Variants in APOD observed in about 807,000 individuals in gnomAD.
APOD encodes apolipoprotein D, also known as apo-D.
In APOD, 22 loss-of-function variants were observed where a neutral mutation model predicts 20.4. The observed-to-expected ratio is 1.08, with a 90% CI of 0.77 to 1.54. The LOEUF (loss-of-function observed/expected upper bound fraction) is 1.54. Ranked by LOEUF, APOD falls within the 40% of genes most tolerant of loss-of-function variation. The probability of loss-of-function intolerance (pLI) is 0.00; values close to 1 mark genes in which losing one functional copy is unlikely to be tolerated. For synonymous variants in APOD, 97 were observed against 92.4 expected (o/e 1.05, Z -0.29); for missense variants, 223 against 229.6 (o/e 0.97, Z 0.19).
intron 2 of APOD, among the ~76,000 whole-genome samples, 191 bp downstream of exon 2, chr3:195,579,148 C>T (rs1720293192): frequency 6.6e-6 from 1 of 152,176 alleles, no homozygotes; most frequent in Admixed American, 6.5e-5. Context: ...CTCGTGCGTC[C>T]CGGGATCATC....
chr3:195,582,558 T>G (rs1260393433), intron 1 of APOD: 1 of 152,132 alleles, frequency 6.6e-6, no homozygotes, highest in Non-Finnish European at 1.5e-5. Context: ...CTGGCCAACA[T>G]GGCGAAACCC....
At chr3:195,580,187 T>C (rs1220801827) in intron 1 of APOD, among the ~76,000 whole-genome samples, 1 of 152,162 alleles carries the variant, frequency 6.6e-6, no homozygotes, top group Non-Finnish European at 1.5e-5. Flanking sequence ...TGGGAATAAT[T>C]ATCATTCCTA....
intron 3 of APOD, among the ~76,000 whole-genome samples, chr3:195,572,719 G>A (rs1314591338): frequency 6.6e-6 from 1 of 152,190 alleles, no homozygotes; most frequent in Non-Finnish European, 1.5e-5. Flanking sequence ...GTGTTAGAAA[G>A]TCAGTAGGTT....
intron 1 of APOD, among the ~76,000 whole-genome samples, chr3:195,583,386 G>A (rs1424929861): frequency 6.6e-6 from 1 of 152,164 alleles, no homozygotes; most frequent in Non-Finnish European, 1.5e-5. Flanking sequence ...AAGTCATTAG[G>A]TCTCAAAGAC....
At chr3:195,574,324 G>A (rs1413499680) in intron 2 of APOD, among the ~76,000 whole-genome samples, 3 of 152,232 alleles carry the variant, frequency 2.0e-5, no homozygotes, top group Admixed American at 6.5e-5. Flanking sequence ...AGTCAGATGT[G>A]TTCGCTGTGG....
chr3:195,568,777 A>C lies in APOD; in HGVS notation c.*123T>G. ...AGCTAGCAAGGTAACAGGGTAGGGCATGGTTACATGTTCAGGTCAACTTCC... is the reference window on the plus strand; with the variant it reads ...AGCTAGCAAGGTAACAGGGTAGGGCCTGGTTACATGTTCAGGTCAACTTCC... On this transcript the variant is annotated 3_prime_UTR_variant, in exon 5 of 5. Coordinates refer to ENST00000343267, the MANE Select transcript of APOD (RefSeq NM_001647.4). 3 of 696,964 alleles carry C rather than the reference A, an allele frequency of 4.3e-6. No homozygotes were observed. Among genetic ancestry groups the C allele is most frequent in the Non-Finnish European group, 7.5e-6 (3 of 399,032 alleles). The allele number at this position is 696,964 out of a possible 1,614,324, so 43.2% of individuals were successfully genotyped here.
chr3:195,577,303 C>G (rs1384515850), intron 2 of APOD: 1 of 222,714 alleles, frequency 4.5e-6, no homozygotes, highest in Non-Finnish European at 9.2e-6. Flanking sequence ...ACTCTGAAAA[C>G]TACAAAGTAT....
chr3:195,569,785 C>CG (rs1263071583), intron 4 of APOD, among the ~76,000 whole-genome samples: 136 of 86,916 alleles, frequency 1.6e-3, no homozygotes, highest in African/African-American at 5.4e-3. Context: ...TCTTCTTCTT[C>CG]GTTTTTTTTT....
chr3:195,574,073 G>C (rs1720211503), intron 2 of APOD, 102 bp from the exon 3 acceptor site: 1 of 1,481,868 alleles, frequency 6.7e-7, no homozygotes, highest in Admixed American at 2.2e-5. Context: ...GGGGAAGCCA[G>C]ACAAAATGGG....
At chr3:195,573,786 G>T in intron 3 of APOD, 64 bp downstream of exon 3, 1 of 1,576,822 alleles carries the variant, frequency 6.3e-7, no homozygotes, top group Non-Finnish European at 8.6e-7. Context: ...CCAGGCTGCC[G>T]GACACCCAGT....
intron 3 of APOD, among the ~76,000 whole-genome samples, chr3:195,571,612 G>A (rs571829378): frequency 6.6e-6 from 1 of 152,170 alleles, no homozygotes; most frequent in Non-Finnish European, 1.5e-5. Context: ...ATAAGAAGCC[G>A]CAATTGACAA....
At chr3:195,573,479 T>A (rs530550358) in intron 3 of APOD, among the ~76,000 whole-genome samples, 1 of 152,238 alleles carries the variant, frequency 6.6e-6, no homozygotes, top group Non-Finnish European at 1.5e-5. Flanking sequence ...TGGAAGGCGA[T>A]GAGCTCCCAG....
At chr3:195,572,946 G>T (rs1250342295) in intron 3 of APOD, among the ~76,000 whole-genome samples, 1 of 152,190 alleles carries the variant, frequency 6.6e-6, no homozygotes, top group African/African-American at 2.4e-5. Context: ...ACAGGCCAGG[G>T]ATTCTGGGAA....
intron 3 of APOD, 59 bp downstream of exon 3, chr3:195,573,791 C>T (rs540789272): frequency 1.9e-6 from 3 of 1,589,352 alleles, no homozygotes; most frequent in African/African-American, 1.3e-5. Context: ...CTGCCGGACA[C>T]CCAGTCACTC....
chr3:195,578,972 A>G (rs760377755), intron 2 of APOD, among the ~76,000 whole-genome samples: 78 of 152,088 alleles, frequency 5.1e-4, no homozygotes, highest in Non-Finnish European at 9.1e-4. Context: ...AGAGCCACGG[A>G]TGCTCCCATG....
chr3:195,569,962 G>A (rs184380114), intron 4 of APOD, among the ~76,000 whole-genome samples: 114 of 152,000 alleles, frequency 7.5e-4, no homozygotes, highest in African/African-American at 2.6e-3. Context: ...ACCATGCCCA[G>A]CTAATTTTTT....
At chr3:195,579,279 C>G (rs1463789570) in intron 2 of APOD, 60 bp downstream of exon 2, 1 of 1,603,628 alleles carries the variant, frequency 6.2e-7, no homozygotes, top group Admixed American at 1.7e-5. Flanking sequence ...TTACATTGAA[C>G]CTTGTAGAAC....
rs780229357 is a variant in APOD, at chr3:195,568,872, G to A, written c.*28C>T. ...GAAAGCGAAGCAGAAGTAACATGGA[G>A]TGGGTGCAGCCTCCCTGTAGAACCT... On this transcript the variant is annotated 3_prime_UTR_variant, in exon 5 of 5. Transcript: ENST00000343267. The A allele has an allele frequency of 2.6e-6, 4 of 1,522,664 alleles. No homozygotes were observed. The highest frequency in any genetic ancestry group is 4.5e-5 in the East Asian group (2 of 44,240). 94.3% of individuals were successfully genotyped at this position (1,522,664 alleles called of 1,614,324 possible). A position where few individuals can be genotyped will look rare whatever the true frequency, so the allele number is the denominator to read the frequency against.
chr3:195,571,414 G>T, intron 3 of APOD, 49 bp from the exon 4 acceptor site: 1 of 1,464,018 alleles, frequency 6.8e-7, no homozygotes, highest in Non-Finnish European at 9.4e-7. Context: ...AAAGAGAAAA[G>T]AAAAACAACT....
Sources: allele counts gnomAD v4.1 joint callset (sites outside exome capture counted in the v4.1 genomes callset), GRCh38; gene constraint gnomAD v4.1.1; transcripts MANE v1.5; gene names NCBI Gene and HGNC (gene_info 2026-07-23, HGNC 2026-07-21).